Variants in FAM111B observed in about 807,000 individuals in gnomAD.
FAM111B encodes serine protease FAM111B.
Under a neutral mutation model 2.8 loss-of-function variants are expected in FAM111B, and 1 was observed. The ratio of observed to expected loss-of-function variants is 0.36; its 90% CI spans 0.13 to 1.70. FAM111B has a LOEUF of 1.70. Ranked by LOEUF, FAM111B falls within the 40% of genes most tolerant of loss-of-function variation. FAM111B has a pLI of 0.35. For synonymous variants in FAM111B, 297 were observed against 295.6 expected (o/e 1.00, Z -0.05); for missense variants, 882 against 878.9 (o/e 1.00, Z -0.04).
chr11:59,117,938 G>T (rs751784258), intron 3 of FAM111B, among the ~76,000 whole-genome samples: 14 of 152,350 alleles, frequency 9.2e-5, no homozygotes, highest in Non-Finnish European at 1.6e-4. Context: ...ACACTCCACA[G>T]AGTGGGAGCA....
At chr11:59,122,464 T>C (rs757218338) in intron 3 of FAM111B, among the ~76,000 whole-genome samples, 1 of 152,208 alleles carries the variant, frequency 6.6e-6, no homozygotes, top group Non-Finnish European at 1.5e-5. Flanking sequence ...AAATATAGGG[T>C]GTCATAAAAT....
intron 3 of FAM111B, among the ~76,000 whole-genome samples, chr11:59,116,805 C>A (rs1859846740): frequency 6.6e-6 from 1 of 152,188 alleles, no homozygotes; most frequent in African/African-American, 2.4e-5. Flanking sequence ...CAAGAAACCC[C>A]CAGGTGATTC....
Position 59,124,535 on chromosome 11 carries a change from T to A in FAM111B, c.438T>A (p.Pro146=), listed in dbSNP as rs1227655522. 3.7e-6 allele frequency: 6 copies of A among 1,613,560 alleles called. No homozygotes were observed. In the African/African-American group the frequency reaches 5.3e-5, roughly 14 times the overall value. ...TIDGHINLGM[P]LKCLPSDSHF... The stretch of plus-strand genomic sequence containing the variant: ...ATGGACATATAAATTTAGGAATGCC[T>A]CTCAAGTGCCTGCCTAGTGATTCTC... The change falls in exon 4 of 4, where the codon CCT becomes CCA. Residue 146 remains proline (P), a synonymous_variant. Transcript: ENST00000343597.
At position 59,125,885 on chromosome 11, in the gene FAM111B, C is replaced by G. The variant is rs767378484; in HGVS notation, c.1788C>G (p.Asn596Lys). The G allele has an allele frequency of 6.2e-6, 10 of 1,613,700 alleles. No individual in the cohort carries two copies. Among genetic ancestry groups the G allele is most frequent in the Non-Finnish European group, 1.7e-6 (2 of 1,179,836 alleles). ...ATGGTTGTACTGTGATTCCTCTAAA[C>G]GAACGATTGAAAAAATATCCAAACG... Reference protein sequence around the residue: ...KIDGCTVIPLNERLKKYPNDC... With the variant: ...KIDGCTVIPLKERLKKYPNDC... Residue 596 changes from asparagine (N) to lysine (K), a missense_variant, in exon 4 of 4, where the codon AAC becomes AAG. Transcript: ENST00000343597.
intron 3 of FAM111B, among the ~76,000 whole-genome samples, chr11:59,122,708 G>A (rs186453881): frequency 8.4e-4 from 128 of 152,250 alleles, no homozygotes; most frequent in Non-Finnish European, 1.4e-3. Flanking sequence ...TGTCAAAGAG[G>A]CAACAAAATA....
intron 3 of FAM111B, among the ~76,000 whole-genome samples, chr11:59,115,183 T>C (rs1859820918): frequency 6.6e-6 from 1 of 152,272 alleles, no homozygotes; most frequent in African/African-American, 2.4e-5. Context: ...ACTTTCTCTC[T>C]TTCTTTATGC....
intron 3 of FAM111B, among the ~76,000 whole-genome samples, chr11:59,115,071 AATC>A (rs1407934419): frequency 6.6e-6 from 1 of 152,162 alleles, no homozygotes; most frequent in Non-Finnish European, 1.5e-5. Flanking sequence ...TTGACTCACT[AATC>A]AGTACCTGTG....
Position 59,124,704 on chromosome 11 carries a change from G to A in FAM111B, c.607G>A (p.Glu203Lys), listed in dbSNP as rs768795479. The A allele has an allele frequency of 2.5e-6, 4 of 1,613,452 alleles. No homozygotes were observed. The highest frequency in any genetic ancestry group is 3.4e-6 in the Non-Finnish European group (4 of 1,179,672). The change falls in exon 4 of 4, where the codon GAA (glutamate) becomes AAA (lysine). Residue 203 changes from glutamate to lysine, a missense_variant. Transcript: ENST00000343597. ...AAGAAAGAAGATTGTTAAGATCAAC[G>A]AACTTCATGAAAAAGGAAGTAAACT... ...RTRKKIVKINELHEKGSKLCI... is the reference protein window; with the variant it reads ...RTRKKIVKINKLHEKGSKLCI...
chr11:59,124,978 A>T lies in FAM111B; in HGVS notation c.881A>T (p.Asn294Ile), dbSNP rs1415260996. The T allele has an allele frequency of 3.1e-6, 5 of 1,612,062 alleles. No homozygotes were observed. The highest frequency in any genetic ancestry group is 4.2e-6 in the Non-Finnish European group (5 of 1,179,516). ...KQNESATDEI[N>I]HQSLIQSKKK... The stretch of plus-strand genomic sequence containing the variant: ...AATGAAAGTGCCACTGATGAAATTA[A>T]TCACCAGAGTCTGATACAGTCTAAG... Residue 294 changes from asparagine to isoleucine, a missense_variant, in exon 4 of 4, where the codon AAT becomes ATT. Coordinates refer to ENST00000343597, the MANE Select transcript of FAM111B (RefSeq NM_198947.4).
At chr11:59,108,468 T>C (rs775901627) in intron 1 of FAM111B, among the ~76,000 whole-genome samples, 200 bp from the exon 2 acceptor site, 11 of 152,232 alleles carry the variant, frequency 7.2e-5, no homozygotes, top group Non-Finnish European at 1.6e-4. Context: ...CTTTGTCTCC[T>C]TAAATCTGGA....
At chr11:59,107,422 C>A (rs761978067) in intron 1 of FAM111B, 126 bp downstream of exon 1, 118 of 152,612 alleles carry the variant, frequency 7.7e-4, no homozygotes, top group Non-Finnish European at 8.3e-4. Flanking sequence ...GGCAGCCGCC[C>A]GTTGTAATTC....
chr11:59,118,876 A>T (rs1046898790), intron 3 of FAM111B, among the ~76,000 whole-genome samples: 2 of 152,216 alleles, frequency 1.3e-5, no homozygotes, highest in Non-Finnish European at 2.9e-5. Flanking sequence ...TCAAAATTAA[A>T]CCAACCTTGC....
Position 59,124,374 on chromosome 11 carries a change from G to T in FAM111B, c.277G>T (p.Asp93Tyr). ...GTTGAATGGAAACTCCAGAAAATTA[G>T]ACCGTAGTGTGTTTACAGCATATGG... ...FTLNGNSRKL[D>Y]RSVFTAYGKP... The change falls in exon 4 of 4, where the codon GAC (aspartate) becomes TAC (tyrosine). Residue 93 changes from aspartate (D) to tyrosine (Y), a missense_variant. Physicochemically the swap from Asp to Tyr is radical, Grantham distance 160. Transcript: ENST00000343597. 6.2e-7 allele frequency: 1 copy of T among 1,613,730 alleles called. No individual in the cohort carries two copies. The highest frequency in any genetic ancestry group is 1.1e-5 in the South Asian group (1 of 91,050).
chr11:59,108,272 AAGTT>A (rs1859697735), intron 1 of FAM111B, among the ~76,000 whole-genome samples: 2 of 152,196 alleles, frequency 1.3e-5, no homozygotes, highest in African/African-American at 4.8e-5. Flanking sequence ...GGTTGGTGGA[AAGTT>A]AGACTATGAC....
rs776328175 is a variant in FAM111B, at chr11:59,124,502, G to T, written c.405G>T (p.Lys135Asn). 3.1e-6 allele frequency: 5 copies of T among 1,613,122 alleles called. No homozygotes were observed. In the South Asian group the frequency reaches 5.5e-5, roughly 18 times the overall value. Reference sequence around the variant, plus strand: ...AGAACATTATTGTTTATGAAGAAAAGACAATAGATGGACATATAAATTTAG... The same window carrying T: ...AGAACATTATTGTTTATGAAGAAAATACAATAGATGGACATATAAATTTAG... ...FNKNIIVYEE[K>N]TIDGHINLGM... Residue 135 changes from lysine (K) to asparagine (N), a missense_variant, in exon 4 of 4, where the codon AAG becomes AAT. Coordinates refer to ENST00000343597, the MANE Select transcript of FAM111B (RefSeq NM_198947.4).
intron 3 of FAM111B, among the ~76,000 whole-genome samples, chr11:59,113,168 G>A (rs569293469): frequency 6.6e-6 from 1 of 150,402 alleles, no homozygotes; most frequent in South Asian, 2.1e-4. Context: ...TTTGTATGGT[G>A]CAATATCTGG....
intron 3 of FAM111B, among the ~76,000 whole-genome samples, chr11:59,116,871 A>T (rs940061242): frequency 1.3e-5 from 2 of 152,208 alleles, no homozygotes; most frequent in African/African-American, 4.8e-5. Context: ...AGGCAGGTGG[A>T]GTCCTGGCTC....
chr11:59,117,017 G>A (rs1372905601), intron 3 of FAM111B, among the ~76,000 whole-genome samples: 1 of 152,218 alleles, frequency 6.6e-6, no homozygotes, highest in Admixed American at 6.5e-5. Context: ...ATCTCAATGG[G>A]AGATGCACAC....
intron 3 of FAM111B, among the ~76,000 whole-genome samples, chr11:59,120,691 G>A (rs1859907303): frequency 6.6e-6 from 1 of 152,166 alleles, no homozygotes; most frequent in African/African-American, 2.4e-5. Context: ...CTCTGTGTAT[G>A]TCTATGTCTG....
Sources: gnomAD v4.1 joint callset for allele counts (sites outside exome capture counted in the v4.1 genomes callset) on GRCh38, gnomAD v4.1.1 for gene constraint, MANE v1.5 for transcripts, NCBI Gene and HGNC (gene_info 2026-07-23, HGNC 2026-07-21) for gene names.